HSPA12A: variants seen among roughly 807,000 people sequenced by gnomAD.
The protein encoded by HSPA12A is heat shock protein family A (Hsp70) member 12A, also known as heat shock 70 kDa protein 12A.
A neutral mutation model predicts 69.2 loss-of-function variants in HSPA12A; 28 were observed. That is an observed-to-expected ratio of 0.40 (90% confidence interval 0.30 to 0.55). The LOEUF (loss-of-function observed/expected upper bound fraction) is 0.55, where lower values mean the gene tolerates loss of function less well. HSPA12A is among the 20% of genes least tolerant of loss of function. The pLI, the probability that HSPA12A is intolerant of heterozygous loss-of-function variation, is 0.38. For synonymous variants in HSPA12A, 345 were observed against 370.5 expected, an observed-to-expected ratio of 0.93 and a Z score of 0.79; for missense variants, 686 against 900.7, an observed-to-expected ratio of 0.76 and a Z score of 3.05.
chr10:116,729,974 C>T (rs1277776490), intron 1 of HSPA12A, among the ~76,000 whole-genome samples: 1 of 152,212 alleles, frequency 6.6e-6, no homozygotes, highest in Admixed American at 6.5e-5. Context: ...AATCCCAGCA[C>T]TTTGGGAGGC....
At chr10:116,742,132 G>A (rs1479634836) in intron 1 of HSPA12A, among the ~76,000 whole-genome samples, 2 of 151,976 alleles carry the variant, frequency 1.3e-5, no homozygotes, top group African/African-American at 4.8e-5. Context: ...AGCCCCGCAG[G>A]AGGCGCCACC....
rs544760678 is a variant in HSPA12A at position 116,810,248 on chromosome 10, G to A, written c.91+24687C>T. On this transcript the variant is annotated intron_variant, in intron 2 of 12. Coordinates refer to the HSPA12A transcript ENST00000635765. ...ATTAAATGCGGAGCCGGCGGGAAGC[G>A]CTCTTGAAACCTCCCGGCTGCAGCC... 3.3e-5 allele frequency among the ~76,000 whole-genome samples: 5 copies of A among 152,160 alleles called. No homozygotes were observed. In the South Asian group the frequency reaches 8.3e-4, roughly 25 times the overall value.
chr10:116,786,454 G>A (rs1337093630), intron 2 of HSPA12A, among the ~76,000 whole-genome samples: 6 of 151,190 alleles, frequency 4.0e-5, no homozygotes, highest in African/African-American at 1.5e-4. Context: ...AGAAAAAAAA[G>A]ATCTAGTGCT....
At chr10:116,730,191 A>G (rs1564799179) in intron 1 of HSPA12A, among the ~76,000 whole-genome samples, 4 of 152,164 alleles carry the variant, frequency 2.6e-5, no homozygotes, top group East Asian at 1.9e-4. Flanking sequence ...TCAAAATAAT[A>G]ATGATGATGA....
intron 3 of HSPA12A, among the ~76,000 whole-genome samples, chr10:116,702,141 AGAGAGG>A (rs1850095046): frequency 7.1e-6 from 1 of 140,698 alleles, no homozygotes; most frequent in South Asian, 2.2e-4. Context: ...AGAGAGAGAG[AGAGAGG>A]CTGCAGTGAG....
chr10:116,746,369 G>A (rs1554887814), upstream of HSPA12A, among the ~76,000 whole-genome samples: 1 of 152,220 alleles, frequency 6.6e-6, no homozygotes, highest in East Asian at 1.9e-4. Context: ...TGAGTCCTCT[G>A]GCCCCCAGCT....
chr10:116,837,987 G>C (rs534500095), intron 1 of HSPA12A, among the ~76,000 whole-genome samples: 7 of 152,040 alleles, frequency 4.6e-5, no homozygotes, highest in African/African-American at 2.4e-5. Context: ...TGTTTAATTT[G>C]ATAATATAGA....
upstream of HSPA12A, among the ~76,000 whole-genome samples, chr10:116,745,342 C>A (rs1851625711): frequency 6.6e-6 from 1 of 152,224 alleles, no homozygotes; most frequent in Non-Finnish European, 1.5e-5. Context: ...ACAGCCCCAG[C>A]TGTCTCAGGG....
intron 2 of HSPA12A, among the ~76,000 whole-genome samples, chr10:116,778,711 G>A (rs1554891436): frequency 6.6e-6 from 1 of 152,204 alleles, no homozygotes; most frequent in African/African-American, 2.4e-5. Context: ...AGAACAGTGT[G>A]GTGGGCAACA....
chr10:116,790,111 TTTTTTTTTG>T (rs1844670709), intron 2 of HSPA12A, among the ~76,000 whole-genome samples: 1 of 139,554 alleles, frequency 7.2e-6, no homozygotes, highest in South Asian at 2.5e-4. Context: ...TTTTTTTTTT[TTTTTTTTTG>T]AGACAGAGTC....
intron 2 of HSPA12A, among the ~76,000 whole-genome samples, chr10:116,771,171 C>T (rs1355831573): frequency 3.9e-5 from 6 of 152,230 alleles, no homozygotes; most frequent in East Asian, 3.9e-4. Flanking sequence ...CCCAAGTCCA[C>T]GGTTCAAAGG....
At chr10:116,741,359 G>A (rs1182350566) in intron 1 of HSPA12A, among the ~76,000 whole-genome samples, 1 of 152,266 alleles carries the variant, frequency 6.6e-6, no homozygotes, top group Admixed American at 6.5e-5. Flanking sequence ...TTGGGGCCCC[G>A]CAGAGCCAAG....
intron 2 of HSPA12A, among the ~76,000 whole-genome samples, chr10:116,791,768 C>T (rs976631584): frequency 1.3e-5 from 2 of 152,266 alleles, no homozygotes; most frequent in South Asian, 4.2e-4. Context: ...CCTCCAGCCC[C>T]TGCCAGCACC....
At chr10:116,805,390 G>T (rs1169301376) in intron 2 of HSPA12A, among the ~76,000 whole-genome samples, 9 of 150,780 alleles carry the variant, frequency 6.0e-5, no homozygotes, top group East Asian at 1.9e-4. Context: ...GTTTTTTTTT[G>T]AATTCCTAGA....
chr10:116,811,824 G>A (rs1285793843), intron 2 of HSPA12A, among the ~76,000 whole-genome samples: 1 of 152,174 alleles, frequency 6.6e-6, no homozygotes, highest in Non-Finnish European at 1.5e-5. Context: ...TTGTTGTGGT[G>A]TTTACATGTC....
chr10:116,819,864 C>A (rs1364490537), intron 2 of HSPA12A, among the ~76,000 whole-genome samples: 4 of 152,142 alleles, frequency 2.6e-5, no homozygotes, highest in African/African-American at 7.2e-5. Flanking sequence ...TGAGACAGGG[C>A]TGCCCAGGCT....
intron 2 of HSPA12A, among the ~76,000 whole-genome samples, chr10:116,783,061 G>A (rs1465098058): frequency 3.3e-5 from 5 of 152,190 alleles, no homozygotes; most frequent in African/African-American, 9.6e-5. Context: ...CCTTTCCCAC[G>A]TAATCCACAC....
At chr10:116,726,189 C>A (rs1238677850) in intron 1 of HSPA12A, among the ~76,000 whole-genome samples, 2 of 152,040 alleles carry the variant, frequency 1.3e-5, no homozygotes, top group Non-Finnish European at 2.9e-5. Context: ...ATCTCACTAC[C>A]GAATATTTAC....
At position 116,685,906 on chromosome 10, in the gene HSPA12A, C is replaced by T. The variant is rs138385385; in HGVS notation, c.664-1944G>A. ...AAAACCAGATAAGAACCACCACTCT[C>T]GTGTCCTGCACTGTCCGTGGCGAAC... On this transcript the variant is annotated intron_variant, in intron 6 of 11. Transcript: ENST00000369209. Among the ~76,000 whole-genome samples, 601 of 152,320 alleles carry T rather than the reference C, an allele frequency of 3.9e-3. 1 individual carries two copies. The highest frequency in any genetic ancestry group is 7.6e-3 in the Admixed American group (117 of 15,298).
Sources: gnomAD v4.1 joint callset for allele counts (sites outside exome capture counted in the v4.1 genomes callset) on GRCh38, gnomAD v4.1.1 for gene constraint, MANE v1.5 for transcripts, NCBI Gene and HGNC (gene_info 2026-07-23, HGNC 2026-07-21) for gene names.